The following SH3GL2 variants were observed in gnomAD, a reference collection of about 807,000 sequenced individuals.
SH3GL2 encodes the protein SH3 domain containing GRB2 like 2, endophilin A1.
Under a neutral mutation model 46.0 loss-of-function variants are expected in SH3GL2, and 24 were observed. The ratio of observed to expected loss-of-function variants is 0.52; its 90% CI spans 0.38 to 0.73. SH3GL2 has a LOEUF of 0.73. Ranked by LOEUF, SH3GL2 falls within the 30% of genes least tolerant of loss-of-function variation. The probability of loss-of-function intolerance (pLI) is 0.00; values close to 1 mark genes in which losing one functional copy is unlikely to be tolerated. For missense variants in SH3GL2, 413 were observed against 424.2 expected, an observed-to-expected ratio of 0.97 and a Z score of 0.23; for synonymous variants, 196 against 147.1, an observed-to-expected ratio of 1.33 and a Z score of -2.40.
At chr9:17,615,645 C>T (rs1206023366) in intron 1 of SH3GL2, among the ~76,000 whole-genome samples, 3 of 114,282 alleles carry the variant, frequency 2.6e-5, no homozygotes, top group African/African-American at 1.1e-4. Context: ...ACCGACAGAG[C>T]GAGACTCCGT....
intron 1 of SH3GL2, among the ~76,000 whole-genome samples, chr9:17,709,044 T>A (rs910740765): frequency 6.6e-6 from 1 of 152,058 alleles, no homozygotes; most frequent in African/African-American, 2.4e-5. Context: ...GTCAGTTTAT[T>A]TCCTGCTGCC....
At chr9:17,612,044 C>T (rs923066455) in intron 1 of SH3GL2, among the ~76,000 whole-genome samples, 1 of 152,124 alleles carries the variant, frequency 6.6e-6, no homozygotes. Flanking sequence ...GGGAAATTCT[C>T]AGAGAGAGGA....
intron 1 of SH3GL2, among the ~76,000 whole-genome samples, chr9:17,706,253 A>T (rs1328171991): frequency 6.6e-6 from 1 of 152,086 alleles, no homozygotes; most frequent in African/African-American, 2.4e-5. Flanking sequence ...TTTCCATGTG[A>T]TCATACTTCT....
chr9:17,759,899 T>C lies in SH3GL2; in HGVS notation c.115-1538T>C, dbSNP rs1014782943. Among the ~76,000 whole-genome samples the C allele has an allele frequency of 3.3e-5, 5 of 149,638 alleles. No individual in the cohort carries two copies. The East Asian group carries it at 7.9e-4, about 24-fold the overall frequency. On this transcript the variant is annotated intron_variant, in intron 2 of 8. Coordinates refer to ENST00000380607, the MANE Select transcript of SH3GL2 (RefSeq NM_003026.5). ...TCACATAGGCAGCAGGAGATCTACA[T>C]TTGTACTTCTATCACACATGTACCA...
At position 17,793,489 on chromosome 9, in the gene SH3GL2, A is replaced by C; in HGVS notation, c.851A>C (p.Lys284Thr). The C allele has an allele frequency of 6.2e-7, 1 of 1,613,036 alleles. No individual in the cohort carries two copies. The highest frequency in any genetic ancestry group is 8.5e-7 in the Non-Finnish European group (1 of 1,179,648). The part of the protein sequence containing the change: ...NGGLSHTGTP[K>T]PSGVQMDQPC... ...GGTCTCTCCCACACAGGCACTCCCA[A>C]ACCTTCAGGTAAGAGCTGAAACTGC... Residue 284 changes from lysine to threonine, a missense_variant, in exon 8 of 9, where the codon AAA becomes ACA. Coordinates refer to ENST00000380607, the MANE Select transcript of SH3GL2 (RefSeq NM_003026.5).
intron 1 of SH3GL2, among the ~76,000 whole-genome samples, chr9:17,612,091 C>T (rs998555545): frequency 8.5e-5 from 13 of 152,104 alleles, no homozygotes; most frequent in Non-Finnish European, 4.4e-5. Flanking sequence ...GCAGAGCTGG[C>T]ATAGAAGGCA....
At chr9:17,709,434 C>G (rs2118258347) in intron 1 of SH3GL2, among the ~76,000 whole-genome samples, 1 of 151,962 alleles carries the variant, frequency 6.6e-6, no homozygotes, top group African/African-American at 2.4e-5. Context: ...GTGTGATACC[C>G]CTCAGCAGAG....
chr9:17,649,589 A>G (rs1819906104), intron 1 of SH3GL2, among the ~76,000 whole-genome samples: 1 of 152,222 alleles, frequency 6.6e-6, no homozygotes. Context: ...TTTAAATGGA[A>G]AAAATAGTTT....
intron 1 of SH3GL2, among the ~76,000 whole-genome samples, chr9:17,597,898 A>G (rs1384307810): frequency 2.0e-5 from 3 of 152,180 alleles, no homozygotes; most frequent in Non-Finnish European, 4.4e-5. Flanking sequence ...ACAAACAGTA[A>G]GCATTCGCCC....
Position 17,796,611 on chromosome 9 carries a change from C to T in SH3GL2, c.*868C>T, listed in dbSNP as rs115343907. 257 of 152,628 alleles carry T rather than the reference C, an allele frequency of 1.7e-3. No individual in the cohort carries two copies. Among genetic ancestry groups the T allele is most frequent in the African/African-American group, 5.9e-3 (245 of 41,552 alleles). The allele number at this position is 152,628 out of a possible 1,614,324, so 9.5% of individuals were successfully genotyped here. On this transcript the variant is annotated 3_prime_UTR_variant, in exon 9 of 9. Coordinates refer to ENST00000380607, the MANE Select transcript of SH3GL2 (RefSeq NM_003026.5). ...TTGTGAATTACATGTTTCATGAATC[C>T]ATTTGGCACAGAGACACAAGGAAGA...
At chr9:17,733,062 C>T (rs924375706) in intron 1 of SH3GL2, among the ~76,000 whole-genome samples, 6 of 151,992 alleles carry the variant, frequency 3.9e-5, no homozygotes, top group African/African-American at 1.4e-4. Context: ...AGTGTGTACC[C>T]GTGGGATGAT....
intron 1 of SH3GL2, among the ~76,000 whole-genome samples, chr9:17,612,118 G>C (rs1264571858): frequency 6.6e-6 from 1 of 152,154 alleles, no homozygotes; most frequent in Non-Finnish European, 1.5e-5. Context: ...TGACCTGTCT[G>C]TATGGGGGAA....
intron 1 of SH3GL2, among the ~76,000 whole-genome samples, chr9:17,608,451 C>A (rs1430168789): frequency 6.6e-6 from 1 of 152,150 alleles, no homozygotes; most frequent in East Asian, 1.9e-4. Context: ...CTGAAGAAAT[C>A]TGTTAATGGA....
chr9:17,641,154 A>G (rs1819671865), intron 1 of SH3GL2, among the ~76,000 whole-genome samples: 1 of 152,176 alleles, frequency 6.6e-6, no homozygotes, highest in Non-Finnish European at 1.5e-5. Context: ...TTCCAATATT[A>G]TAAACTCTGT....
chr9:17,685,042 C>T (rs1820867958), intron 1 of SH3GL2, among the ~76,000 whole-genome samples: 2 of 152,014 alleles, frequency 1.3e-5, no homozygotes, highest in African/African-American at 2.4e-5. Context: ...CATGGTATAG[C>T]TTTGGTGGTT....
intron 1 of SH3GL2, among the ~76,000 whole-genome samples, chr9:17,663,596 T>C (rs1190920555): frequency 6.6e-6 from 1 of 152,220 alleles, no homozygotes; most frequent in Non-Finnish European, 1.5e-5. Flanking sequence ...TCTGTGACTC[T>C]AGTCCGTTTC....
intron 1 of SH3GL2, among the ~76,000 whole-genome samples, chr9:17,637,390 C>T (rs1819565332): frequency 6.6e-6 from 1 of 152,126 alleles, no homozygotes; most frequent in South Asian, 2.1e-4. Flanking sequence ...ACATTGAATT[C>T]CCATAAACGT....
At chr9:17,667,308 T>C (rs1219058776) in intron 1 of SH3GL2, among the ~76,000 whole-genome samples, 1 of 152,118 alleles carries the variant, frequency 6.6e-6, no homozygotes, top group East Asian at 1.9e-4. Flanking sequence ...CACTAGAAAA[T>C]GTTCTAATTC....
chr9:17,728,316 G>C (rs1226883077), intron 1 of SH3GL2, among the ~76,000 whole-genome samples: 1 of 151,984 alleles, frequency 6.6e-6, no homozygotes, highest in Non-Finnish European at 1.5e-5. Context: ...AAAAGATGAA[G>C]TACCACAGCA....
Sources: allele counts gnomAD v4.1 joint callset (sites outside exome capture counted in the v4.1 genomes callset), GRCh38; gene constraint gnomAD v4.1.1; transcripts MANE v1.5; gene names NCBI Gene and HGNC (gene_info 2026-07-23, HGNC 2026-07-21).